NOVA1: variants seen among roughly 807,000 people sequenced by gnomAD.
NOVA1 encodes NOVA alternative splicing regulator 1, also known as RNA-binding protein Nova-1.
A neutral mutation model predicts 38.0 loss-of-function variants in NOVA1; 7 were observed. The ratio of observed to expected loss-of-function variants is 0.18; its 90% CI spans 0.10 to 0.35. The LOEUF is 0.35. Ranked by LOEUF, NOVA1 falls within the 10% of genes least tolerant of loss-of-function variation. The pLI is 1.00. For synonymous variants in NOVA1, 270 were observed against 232.5 expected, an observed-to-expected ratio of 1.16 and a Z score of -1.47; for missense variants, 460 against 616.0, an observed-to-expected ratio of 0.75 and a Z score of 2.68.
chr14:26,534,376 G>T (rs980572021), intron 2 of NOVA1, among the ~76,000 whole-genome samples: 1 of 151,818 alleles, frequency 6.6e-6, no homozygotes, highest in African/African-American at 2.4e-5. Context: ...CTATGATTAG[G>T]AAAAAATACC....
intron 2 of NOVA1, among the ~76,000 whole-genome samples, chr14:26,524,267 C>A (rs1166658084): frequency 1.3e-5 from 2 of 152,052 alleles, no homozygotes. Flanking sequence ...GGATCTGGTG[C>A]CTGCGGGATC....
intron 4 of NOVA1, among the ~76,000 whole-genome samples, chr14:26,458,287 A>G (rs1487738931): frequency 6.6e-6 from 1 of 152,110 alleles, no homozygotes; most frequent in African/African-American, 2.4e-5. Flanking sequence ...AAAGAACTTA[A>G]AACAGAGCTA....
chr14:26,480,289 A>C (rs933362092), intron 2 of NOVA1, 146 bp from the exon 3 acceptor site: 1 of 677,564 alleles, frequency 1.5e-6, no homozygotes, highest in East Asian at 2.8e-5. Flanking sequence ...TAATATATAC[A>C]TGTCTCTTCT....
intron 2 of NOVA1, among the ~76,000 whole-genome samples, chr14:26,572,532 G>T (rs1362188889): frequency 6.6e-6 from 1 of 152,128 alleles, no homozygotes; most frequent in Non-Finnish European, 1.5e-5. Flanking sequence ...CAATAAAGGT[G>T]ACATGGTCTT....
chr14:26,573,160 T>C (rs1203173127), intron 2 of NOVA1, among the ~76,000 whole-genome samples: 3 of 152,080 alleles, frequency 2.0e-5, no homozygotes, highest in African/African-American at 7.2e-5. Context: ...AGAAACTGGA[T>C]CATACAATGT....
At chr14:26,589,899 A>G (rs950182901) in intron 2 of NOVA1, among the ~76,000 whole-genome samples, 2 of 151,894 alleles carry the variant, frequency 1.3e-5, no homozygotes, top group African/African-American at 4.8e-5. Context: ...TGGAAATTTC[A>G]TCAACCCAAG....
intron 2 of NOVA1, among the ~76,000 whole-genome samples, chr14:26,513,814 A>G (rs1888270459): frequency 6.6e-6 from 1 of 151,748 alleles, no homozygotes; most frequent in Non-Finnish European, 1.5e-5. Context: ...TTCACCAGCT[A>G]TTGTTCTAAA....
intron 2 of NOVA1, among the ~76,000 whole-genome samples, chr14:26,545,802 C>T (rs1183025569): frequency 6.6e-6 from 1 of 152,030 alleles, no homozygotes; most frequent in Admixed American, 6.6e-5. Flanking sequence ...TCAGAAAATA[C>T]ATTAGAAAGA....
At chr14:26,449,108 T>A in intron 4 of NOVA1, 145 bp from the exon 5 acceptor site, 2 of 731,222 alleles carry the variant, frequency 2.7e-6, no homozygotes, top group Non-Finnish European at 4.1e-6. Context: ...TAAAGTGACT[T>A]TTATCACACT....
rs763649881 is a variant in NOVA1 at position 26,597,414 on chromosome 14, T to C, written c.23A>G (p.Gln8Arg). Residue 8 changes from glutamine to arginine, a missense_variant, in exon 1 of 5, where the codon CAG becomes CGG. Gln to Arg is a conservative substitution (Grantham distance 43). Transcript: ENST00000539517. MMAAAPI[Q>R]QNGTHTGVPI... ...AACCCCAGTGTGGGTCCCGTTCTGC[T>C]GGATGGGAGCTGCCGCCATCATGTT... 1.2e-5 allele frequency: 15 copies of C among 1,286,832 alleles called. No individual in the cohort carries two copies. Among genetic ancestry groups the C allele is most frequent in the South Asian group, 3.7e-5 (1 of 27,304 alleles). The allele number at this position is 1,286,832 out of a possible 1,614,324, so 79.7% of individuals were successfully genotyped here.
At position 26,480,071 on chromosome 14, in the gene NOVA1, T is replaced by C; in HGVS notation, c.353A>G (p.Glu118Gly). 6.2e-7 allele frequency: 1 copy of C among 1,614,104 alleles called. No individual in the cohort carries two copies. Among genetic ancestry groups the C allele is most frequent in the Non-Finnish European group, 8.5e-7 (1 of 1,179,990 alleles). Residue 118 changes from glutamate to glycine, a missense_variant, in exon 3 of 5, where the codon GAA (glutamate) becomes GGA (glycine). By Grantham distance (98) the Glu-to-Gly change is moderately conservative. Transcript: ENST00000539517. ...ATTTTGGGGCATTTCTCGAATTTTT[T>C]CTGCAATGAATCCATGAACTGCATT... ...ALNAVHGFIA[E>G]KIREMPQNVA...
chr14:26,453,176 GT>G (rs1239089805), intron 4 of NOVA1, among the ~76,000 whole-genome samples: 1,222 of 34,580 alleles, frequency 0.035, 44 homozygotes, highest in Admixed American at 0.17. Flanking sequence ...ATGTATGTAT[GT>G]ATGTATGTAT....
intron 2 of NOVA1, among the ~76,000 whole-genome samples, chr14:26,511,241 C>T (rs1012691884): frequency 6.1e-5 from 9 of 148,756 alleles, no homozygotes; most frequent in Non-Finnish European, 1.0e-4. Context: ...CCCACATGTA[C>T]ATGAGGTCAA....
chr14:26,550,881 A>G (rs530411717), intron 2 of NOVA1, among the ~76,000 whole-genome samples: 19 of 152,218 alleles, frequency 1.2e-4, no homozygotes, highest in African/African-American at 4.3e-4. Context: ...AGTTAGAGAT[A>G]GCTGACAATT....
intron 4 of NOVA1, among the ~76,000 whole-genome samples, chr14:26,468,186 C>T (rs917238445): frequency 1.3e-5 from 2 of 152,056 alleles, no homozygotes; most frequent in Non-Finnish European, 2.9e-5. Flanking sequence ...AAGAAGCAAA[C>T]AGCCAAGTTT....
rs533184353 is a variant in NOVA1 at position 26,496,551 on chromosome 14, G to A, written c.281-16408C>T. ...TGTTGCCATTGCTTTTGGTGTTTTA[G>A]ACATGAAGTCCTTGCCCATGCCTAT... On this transcript the variant is annotated intron_variant, in intron 2 of 4. Transcript: ENST00000539517. Among the ~76,000 whole-genome samples, 72 of 152,172 alleles carry A rather than the reference G, an allele frequency of 4.7e-4. No individual in the cohort carries two copies. In the Middle Eastern group the frequency reaches 0.01, roughly 22 times the overall value.
At chr14:26,472,211 C>T (rs755186707) in intron 4 of NOVA1, 109 bp downstream of exon 4, 1 of 711,022 alleles carries the variant, frequency 1.4e-6, no homozygotes. Context: ...GACTATGGTG[C>T]ATATATGTGA....
At chr14:26,507,154 A>G (rs1160107046) in intron 2 of NOVA1, among the ~76,000 whole-genome samples, 1 of 152,186 alleles carries the variant, frequency 6.6e-6, no homozygotes, top group African/African-American at 2.4e-5. Flanking sequence ...TATAACAAAC[A>G]AGCACTTAGC....
At chr14:26,545,378 A>G (rs1271343) in intron 2 of NOVA1, among the ~76,000 whole-genome samples, 149,032 of 152,164 alleles carry the variant, frequency 0.98, 73,059 homozygotes, top group Middle Eastern at 1. Context: ...AGGGGAAAGT[A>G]AGTAGTTTAA....
Sources: allele counts gnomAD v4.1 joint callset (sites outside exome capture counted in the v4.1 genomes callset), GRCh38; gene constraint gnomAD v4.1.1; transcripts MANE v1.5; gene names NCBI Gene and HGNC (gene_info 2026-07-23, HGNC 2026-07-21).